Variants in MTUS2 observed in about 807,000 individuals in gnomAD.
MTUS2 encodes microtubule associated scaffold protein 2, also known as microtubule-associated tumor suppressor candidate 2.
A neutral mutation model predicts 114.1 loss-of-function variants in MTUS2; 40 were observed. The observed-to-expected ratio is 0.35, with a 90% confidence interval of 0.27 to 0.46. The LOEUF is 0.46. MTUS2 is among the 20% of genes least tolerant of loss of function. MTUS2 has a pLI of 1.00. For missense variants in MTUS2, 1,679 were observed against 1,705.4 expected (o/e 0.98, Z 0.27); for synonymous variants, 688 against 672.0 (o/e 1.02, Z -0.37).
chr13:29,380,213 C>G (rs918669672), intron 8 of MTUS2, among the ~76,000 whole-genome samples: 2 of 152,184 alleles, frequency 1.3e-5, no homozygotes, highest in African/African-American at 4.8e-5. Flanking sequence ...TCTCAAGGCA[C>G]CCCTGCTCCA....
At chr13:29,171,917 C>G (rs1001556331) in intron 5 of MTUS2, among the ~76,000 whole-genome samples, 3 of 152,200 alleles carry the variant, frequency 2.0e-5, no homozygotes, top group Non-Finnish European at 4.4e-5. Flanking sequence ...CACTATAGTT[C>G]TACTTACGTC....
Position 29,029,348 on chromosome 13 carries a change from A to G in MTUS2, c.2205+2445A>G, listed in dbSNP as rs183122376. 1.1e-3 allele frequency among the ~76,000 whole-genome samples: 169 copies of G among 152,324 alleles called. 1 individual carries two copies. Among genetic ancestry groups the G allele is most frequent in the African/African-American group, 3.7e-3 (152 of 41,562 alleles). On this transcript the variant is annotated intron_variant, in intron 3 of 15. Coordinates refer to ENST00000612955, the MANE Select transcript of MTUS2 (RefSeq NM_001033602.4). ...AATGAGAACGTGTTCTGGCTAGAGG[A>G]CACTTGAGTCTGGCTTTAGGCAGTG...
At chr13:29,404,176 CAAAA>C (rs33920912) in intron 8 of MTUS2, among the ~76,000 whole-genome samples, 1 of 127,800 alleles carries the variant, frequency 7.8e-6, no homozygotes, top group Non-Finnish European at 1.6e-5. Context: ...TCCATCTCTA[CAAAA>C]AAAAAAAAAA....
intron 2 of MTUS2, among the ~76,000 whole-genome samples, chr13:28,872,491 A>T (rs1256865011): frequency 2.0e-5 from 3 of 152,172 alleles, no homozygotes; most frequent in African/African-American, 7.2e-5. Context: ...ATAAAGGAAA[A>T]AATATTTATT....
chr13:29,369,095 A>G (rs983615410), intron 8 of MTUS2, among the ~76,000 whole-genome samples: 1 of 151,364 alleles, frequency 6.6e-6, no homozygotes, highest in African/African-American at 2.4e-5. Context: ...AAAAGGTTAC[A>G]GATACCAGGT....
At chr13:28,895,785 A>G (rs1371061132) in intron 2 of MTUS2, among the ~76,000 whole-genome samples, 2 of 152,220 alleles carry the variant, frequency 1.3e-5, no homozygotes, top group African/African-American at 4.8e-5. Flanking sequence ...TTAAATGTAA[A>G]TGAATTAACG....
At chr13:29,328,221 C>A (rs532681284) in intron 7 of MTUS2, among the ~76,000 whole-genome samples, 1 of 152,228 alleles carries the variant, frequency 6.6e-6, no homozygotes, top group South Asian at 2.1e-4. Flanking sequence ...ATAGAAAAAT[C>A]CAAATTCTGC....
In MTUS2 at chr13:29,328,295, T is replaced by C. The variant is rs145641430; in HGVS notation, c.2905+3584T>C. On this transcript the variant is annotated intron_variant, in intron 7 of 15. Transcript: ENST00000612955. ...AGTGACCATGGCCCAGGCCACACAA[T>C]CTCAAGAAGTCCTGATAAAGTGTGC... is the stretch of plus-strand genomic sequence containing the variant. 7.2e-3 allele frequency among the ~76,000 whole-genome samples: 1,097 copies of C among 152,370 alleles called. 12 individuals carry two copies. The highest frequency in any genetic ancestry group is 0.025 in the African/African-American group (1,050 of 41,596).
intron 1 of MTUS2, among the ~76,000 whole-genome samples, chr13:28,829,489 G>A (rs534192900): frequency 1.7e-4 from 26 of 151,912 alleles, no homozygotes; most frequent in African/African-American, 5.8e-4. Context: ...CTGAGATTGC[G>A]CCACTGAACT....
At chr13:28,856,893 A>C (rs1166946773) in intron 2 of MTUS2, among the ~76,000 whole-genome samples, 2 of 152,180 alleles carry the variant, frequency 1.3e-5, no homozygotes, top group Non-Finnish European at 2.9e-5. Context: ...AACTCCACTA[A>C]AACTCCAAAC....
intron 2 of MTUS2, among the ~76,000 whole-genome samples, chr13:29,018,629 G>A (rs55775261): frequency 0.06 from 9,104 of 152,024 alleles, 324 homozygotes; most frequent in African/African-American, 0.081. Flanking sequence ...GCGTGGTGGC[G>A]TGCGCCTGTA....
At chr13:29,232,303 C>T (rs910716212) in intron 5 of MTUS2, among the ~76,000 whole-genome samples, 8 of 5,284 alleles carry the variant, frequency 1.5e-3, no homozygotes, top group Non-Finnish European at 2.2e-3. Flanking sequence ...CACACGCGCG[C>T]GCGCACACAC....
intron 5 of MTUS2, among the ~76,000 whole-genome samples, chr13:29,141,929 G>C (rs540541053): frequency 3.1e-4 from 46 of 147,750 alleles, no homozygotes; most frequent in African/African-American, 1.1e-3. Context: ...GTGTGATCTC[G>C]GCTCACTTCA....
chr13:28,935,204 T>G (rs541336192), intron 2 of MTUS2, among the ~76,000 whole-genome samples: 1 of 152,204 alleles, frequency 6.6e-6, no homozygotes, highest in South Asian at 2.1e-4. Context: ...TTCTACTGTT[T>G]AGGGACATTC....
At chr13:29,353,104 A>G (rs1467689826) in intron 7 of MTUS2, among the ~76,000 whole-genome samples, 1 of 152,184 alleles carries the variant, frequency 6.6e-6, no homozygotes, top group East Asian at 1.9e-4. Flanking sequence ...GCTTGTTTAC[A>G]TGCCAGGGGA....
At chr13:29,045,807 C>A (rs1887587592) in intron 4 of MTUS2, among the ~76,000 whole-genome samples, 1 of 152,188 alleles carries the variant, frequency 6.6e-6, no homozygotes, top group South Asian at 2.1e-4. Flanking sequence ...AGGAGAGAAG[C>A]TTTCTGGGTG....
chr13:29,081,078 G>A (rs1889420610), intron 4 of MTUS2, among the ~76,000 whole-genome samples: 1 of 152,170 alleles, frequency 6.6e-6, no homozygotes, highest in African/African-American at 2.4e-5. Context: ...ATAAAGCAGG[G>A]CAGTCCTCTC....
chr13:29,148,792 CT>C lies in MTUS2; in HGVS notation c.2644+47823del, dbSNP rs370522727. ...CGCGCCCGGCCCTGTGTTTGGTTTT[CT>C]GTTCCTGCCTTAGTTTGCTGAGGAT... On this transcript the variant is annotated intron_variant, in intron 5 of 15. Coordinates refer to ENST00000612955, the MANE Select transcript of MTUS2 (RefSeq NM_001033602.4). Among the ~76,000 whole-genome samples the C allele has an allele frequency of 4.6e-3, 698 of 151,260 alleles. 24 individuals carry two copies. The highest frequency in any genetic ancestry group is 0.016 in the African/African-American group (665 of 41,420).
chr13:29,173,642 A>G (rs966440542), intron 5 of MTUS2, among the ~76,000 whole-genome samples: 3 of 152,126 alleles, frequency 2.0e-5, no homozygotes, highest in Non-Finnish European at 4.4e-5. Flanking sequence ...ATTAGGGTGG[A>G]AATAGCATAT....
Sources: allele counts gnomAD v4.1 joint callset (sites outside exome capture counted in the v4.1 genomes callset), GRCh38; gene constraint gnomAD v4.1.1; transcripts MANE v1.5; gene names NCBI Gene and HGNC (gene_info 2026-07-23, HGNC 2026-07-21).